MBNL1: variants seen among roughly 807,000 people sequenced by gnomAD.
MBNL1 encodes muscleblind-like protein 1.
Under a neutral mutation model 42.2 loss-of-function variants are expected in MBNL1, and 8 were observed. The ratio of observed to expected loss-of-function variants is 0.19; its 90% CI spans 0.11 to 0.34. The LOEUF is 0.34. Ranked by LOEUF, MBNL1 falls within the 10% of genes least tolerant of loss-of-function variation. The pLI is 1.00. For synonymous variants in MBNL1, 169 were observed against 173.9 expected (o/e 0.97, Z 0.22); for missense variants, 309 against 495.3 (o/e 0.62, Z 3.57).
chr3:152,445,678 T>C, intron 5 of MBNL1, 139 bp downstream of exon 5: 1 of 865,154 alleles, frequency 1.2e-6, no homozygotes, highest in Non-Finnish European at 1.7e-6. Flanking sequence ...TCCCAGACAA[T>C]ATATAAAGAA....
chr3:152,366,181 G>C (rs1429747419), intron 2 of MBNL1, among the ~76,000 whole-genome samples: 2 of 152,052 alleles, frequency 1.3e-5, no homozygotes, highest in African/African-American at 4.8e-5. Flanking sequence ...TAACTAGGCT[G>C]GTAATCATAG....
chr3:152,279,306 C>A (rs2047054750), intron 1 of MBNL1, among the ~76,000 whole-genome samples: 1 of 152,106 alleles, frequency 6.6e-6, no homozygotes, highest in Admixed American at 6.6e-5. Context: ...CCTAAATCCA[C>A]ATAGCTGGTG....
At chr3:152,339,943 A>G (rs1416881277) in intron 2 of MBNL1, 2 of 152,290 alleles carry the variant, frequency 1.3e-5, no homozygotes, top group Non-Finnish European at 2.9e-5. Flanking sequence ...TGAGTAGGGC[A>G]TGAGGTTTCA....
At chr3:152,367,738 G>T (rs1056534072) in intron 2 of MBNL1, among the ~76,000 whole-genome samples, 7 of 152,126 alleles carry the variant, frequency 4.6e-5, no homozygotes, top group African/African-American at 1.7e-4. Context: ...GCATGAGATG[G>T]TATCTCATTG....
Position 152,415,015 on chromosome 3 carries a change from A to G in MBNL1, c.249A>G (p.Gly83=), listed in dbSNP as rs769805735. 1.9e-6 allele frequency: 3 copies of G among 1,609,216 alleles called. No individual in the cohort carries two copies. The highest frequency in any genetic ancestry group is 2.5e-6 in the Non-Finnish European group (3 of 1,178,614). ...TAAAAACGCAGTTGGAGATAAATGG[A>G]CGCAATAACTTGATTCAGCAGAAGA... ...PHLKTQLEIN[G]RNNLIQQKNM... Residue 83 remains glycine, a synonymous_variant, in exon 3 of 10, where the codon GGA becomes GGG. Transcript: ENST00000324210.
At chr3:152,294,280 T>A (rs896751440) in intron 1 of MBNL1, among the ~76,000 whole-genome samples, 3 of 65,350 alleles carry the variant, frequency 4.6e-5, no homozygotes, top group Admixed American at 1.6e-4. Flanking sequence ...GTTTGATTCT[T>A]TTTTTTTTTT....
At chr3:152,411,931 C>T (rs935885544) in intron 2 of MBNL1, among the ~76,000 whole-genome samples, 10 of 152,144 alleles carry the variant, frequency 6.6e-5, no homozygotes, top group African/African-American at 1.9e-4. Flanking sequence ...CTATTATCTC[C>T]ATTGTCTCTA....
intron 1 of MBNL1, among the ~76,000 whole-genome samples, chr3:152,284,881 A>G (rs2050637105): frequency 6.6e-6 from 1 of 152,160 alleles, no homozygotes; most frequent in South Asian, 2.1e-4. Flanking sequence ...ATCATGCTCA[A>G]AGACCACTTC....
chr3:152,384,248 A>T (rs1184356895), intron 2 of MBNL1, among the ~76,000 whole-genome samples: 1 of 152,108 alleles, frequency 6.6e-6, no homozygotes, highest in Non-Finnish European at 1.5e-5. Flanking sequence ...GAGGAAAAGC[A>T]TAACGATTGG....
chr3:152,417,775 A>C (rs531555028), intron 3 of MBNL1, among the ~76,000 whole-genome samples: 2 of 152,362 alleles, frequency 1.3e-5, no homozygotes, highest in South Asian at 4.1e-4. Context: ...ACCAGCACCC[A>C]GAACACAAGC....
chr3:152,362,219 T>C (rs1299206143), intron 2 of MBNL1, among the ~76,000 whole-genome samples: 1 of 152,224 alleles, frequency 6.6e-6, no homozygotes, highest in Non-Finnish European at 1.5e-5. Context: ...ACTTGCAGAT[T>C]GCAGCAGCTC....
At chr3:152,353,990 T>G (rs1276487581) in intron 2 of MBNL1, among the ~76,000 whole-genome samples, 1 of 152,188 alleles carries the variant, frequency 6.6e-6, no homozygotes, top group East Asian at 1.9e-4. Context: ...TGCTACATGA[T>G]AGAGATTCAT....
At chr3:152,340,541 G>A (rs201183527) in intron 2 of MBNL1, 98 of 1,608,760 alleles carry the variant, frequency 6.1e-5, no homozygotes, top group Non-Finnish European at 8.1e-5. Context: ...TTCTTCATGA[G>A]TCCAAGCTGA....
At chr3:152,281,378 A>C (rs12107620) in intron 1 of MBNL1, among the ~76,000 whole-genome samples, 2,402 of 152,178 alleles carry the variant, frequency 0.016, 57 homozygotes, top group African/African-American at 0.055. Context: ...ACCTACTCCA[A>C]GTTAATTCTG....
At chr3:152,427,674 G>A (rs2098950719) in intron 3 of MBNL1, among the ~76,000 whole-genome samples, 1 of 151,426 alleles carries the variant, frequency 6.6e-6, no homozygotes, top group Admixed American at 6.6e-5. Context: ...TGCCTACCCA[G>A]AAACATGCTT....
rs182555140 is a variant in MBNL1, at chr3:152,270,717, G to T, written c.-790+1625G>T. ...CTTGTATCTTGCTTTCTTAAAGTTG[G>T]TGACAACTAAGGCTAAACTTCTTTA... On this transcript the variant is annotated intron_variant, in intron 1 of 9. Coordinates refer to ENST00000324210, the MANE Select transcript of MBNL1 (RefSeq NM_021038.5). 3.9e-5 allele frequency among the ~76,000 whole-genome samples: 6 copies of T among 152,302 alleles called. No homozygotes were observed. In the East Asian group the frequency reaches 1.2e-3, roughly 29 times the overall value.
chr3:152,432,431 T>A (rs1488740269), intron 3 of MBNL1, among the ~76,000 whole-genome samples: 3 of 151,980 alleles, frequency 2.0e-5, no homozygotes, highest in African/African-American at 7.2e-5. Context: ...GTTTATCTAT[T>A]TTTCAAAAAA....
chr3:152,282,253 T>A (rs1281315272), intron 1 of MBNL1, among the ~76,000 whole-genome samples: 1 of 152,186 alleles, frequency 6.6e-6, no homozygotes, highest in Non-Finnish European at 1.5e-5. Flanking sequence ...AGTTTTAACT[T>A]ATTCATATAA....
intron 2 of MBNL1, among the ~76,000 whole-genome samples, chr3:152,321,392 G>A (rs2076403960): frequency 6.6e-6 from 1 of 152,064 alleles, no homozygotes; most frequent in Non-Finnish European, 1.5e-5. Context: ...CATTTGCTTA[G>A]AGAGTAAAGT....
Sources: allele counts gnomAD v4.1 joint callset (sites outside exome capture counted in the v4.1 genomes callset), GRCh38; gene constraint gnomAD v4.1.1; transcripts MANE v1.5; gene names NCBI Gene and HGNC (gene_info 2026-07-23, HGNC 2026-07-21).